The following KIF13A variants were observed in gnomAD, a reference collection of about 807,000 sequenced individuals.
KIF13A encodes kinesin-like protein KIF13A.
In KIF13A, 79 loss-of-function variants were observed where a neutral mutation model predicts 212.2. That is an observed-to-expected ratio of 0.37 (90% CI 0.31 to 0.45). The LOEUF (loss-of-function observed/expected upper bound fraction) is 0.45. Among genes scored for constraint, KIF13A ranks in the 20% least tolerant of loss-of-function variants. The pLI is 1.00. For synonymous variants in KIF13A, 789 were observed against 808.6 expected, an observed-to-expected ratio of 0.98 and a Z score of 0.41; for missense variants, 1,901 against 2,209.0, an observed-to-expected ratio of 0.86 and a Z score of 2.79.
At chr6:17,822,040 C>CTTATTTT in intron 16 of KIF13A, 2 of 615,916 alleles carry the variant, frequency 3.2e-6, no homozygotes, top group Non-Finnish European at 4.7e-6. Context: ...GGAAACATAA[C>CTTATTTT]TTCTTTTTTT....
chr6:17,977,616 G>A (rs889607736), intron 2 of KIF13A, among the ~76,000 whole-genome samples: 1 of 152,158 alleles, frequency 6.6e-6, no homozygotes, highest in African/African-American at 2.4e-5. Flanking sequence ...AAACACAATT[G>A]CAACAGCAAA....
chr6:17,893,767 T>C (rs1561731166), intron 3 of KIF13A, among the ~76,000 whole-genome samples: 9 of 151,968 alleles, frequency 5.9e-5, no homozygotes. Flanking sequence ...GTTAGGCTGC[T>C]GCAAGTTTGT....
intron 16 of KIF13A, among the ~76,000 whole-genome samples, chr6:17,822,103 G>A (rs1284501204): frequency 4.0e-5 from 6 of 150,682 alleles, no homozygotes; most frequent in East Asian, 1.9e-4. Flanking sequence ...GCAATGGTGC[G>A]ATCTCAGCTC....
chr6:17,848,177 A>G (rs1767262156), intron 9 of KIF13A, among the ~76,000 whole-genome samples: 1 of 152,168 alleles, frequency 6.6e-6, no homozygotes, highest in African/African-American at 2.4e-5. Context: ...ATTTTGATAC[A>G]TGTATACAAT....
At chr6:17,916,407 A>G (rs772174506) in intron 2 of KIF13A, among the ~76,000 whole-genome samples, 3 of 152,222 alleles carry the variant, frequency 2.0e-5, no homozygotes, top group Non-Finnish European at 4.4e-5. Context: ...CCAGAGCAGA[A>G]TTCACTATGA....
At chr6:17,820,714 G>GA (rs1464953309) in intron 16 of KIF13A, among the ~76,000 whole-genome samples, 1 of 152,172 alleles carries the variant, frequency 6.6e-6, no homozygotes, top group African/African-American at 2.4e-5. Flanking sequence ...TAGGAAAAAA[G>GA]AAAGGACCAC....
chr6:17,962,950 C>T (rs192914187), intron 2 of KIF13A, among the ~76,000 whole-genome samples: 2 of 152,286 alleles, frequency 1.3e-5, no homozygotes, highest in South Asian at 4.1e-4. Flanking sequence ...TGATTCAGCC[C>T]GTTAGACTCA....
At chr6:17,865,236 C>T (rs1581572650) in intron 4 of KIF13A, among the ~76,000 whole-genome samples, 1 of 152,138 alleles carries the variant, frequency 6.6e-6, no homozygotes, top group South Asian at 2.1e-4. Context: ...TATTTGAACA[C>T]GATCAATAAT....
intron 4 of KIF13A, among the ~76,000 whole-genome samples, chr6:17,867,037 T>G (rs1769472881): frequency 6.6e-6 from 1 of 151,990 alleles, no homozygotes; most frequent in Non-Finnish European, 1.5e-5. Context: ...AAATGCCCCC[T>G]GCATGCTAAA....
chr6:17,788,372 A>C (rs572925092), intron 26 of KIF13A, among the ~76,000 whole-genome samples: 34 of 152,310 alleles, frequency 2.2e-4, no homozygotes, highest in African/African-American at 8.2e-4. Flanking sequence ...AACTTGCCAC[A>C]AACATTTTAC....
At chr6:17,879,646 T>A (rs1391338704) in intron 3 of KIF13A, among the ~76,000 whole-genome samples, 1 of 152,228 alleles carries the variant, frequency 6.6e-6, no homozygotes, top group East Asian at 1.9e-4. Context: ...TTTATTTGTT[T>A]GACTGTCACT....
chr6:17,890,790 C>CTAATAA (rs71536760), intron 3 of KIF13A, among the ~76,000 whole-genome samples: 5,047 of 139,066 alleles, frequency 0.036, 106 homozygotes, highest in Non-Finnish European at 0.04. Context: ...CTATGCCCAG[C>CTAATAA]TAATAATAAT....
In KIF13A at chr6:17,918,577, G is replaced by T. The variant is rs911544861; in HGVS notation, c.147-20397C>A. Among the ~76,000 whole-genome samples the T allele has an allele frequency of 6.6e-6, 1 of 152,172 alleles. No individual in the cohort carries two copies. Among genetic ancestry groups the T allele is most frequent in the South Asian group, 2.1e-4 (1 of 4,830 alleles). On this transcript the variant is annotated intron_variant, in intron 2 of 38. Transcript: ENST00000259711. This position sits in a 1 kb window ranked among gnomAD's most constrained non-coding sequence, Gnocchi z 4.8. ...AATTCCCACTTCTGGGTCTCAGCAG[G>T]TATGTGTGTCGAGTTATCTAAATGG...
At chr6:17,788,025 A>G in intron 26 of KIF13A, 150 bp from the exon 27 acceptor site, 2 of 603,754 alleles carry the variant, frequency 3.3e-6, no homozygotes, top group Non-Finnish European at 5.9e-6. Context: ...GCAAGAAAGC[A>G]GAGAGGCCTC....
intron 2 of KIF13A, chr6:17,953,839 T>C (rs2150575124): frequency 5.6e-6 from 1 of 178,298 alleles, no homozygotes; most frequent in South Asian, 1.3e-4. Context: ...AAGGAAAAAC[T>C]CTGTAAAGTG....
At chr6:17,832,530 T>C (rs1040154991) in intron 12 of KIF13A, among the ~76,000 whole-genome samples, 5 of 151,944 alleles carry the variant, frequency 3.3e-5, no homozygotes, top group South Asian at 2.1e-4. Flanking sequence ...CCTAGCTATT[T>C]GGGAGGCTGA....
chr6:17,974,034 T>C (rs1293660361), intron 2 of KIF13A, among the ~76,000 whole-genome samples: 2 of 152,206 alleles, frequency 1.3e-5, no homozygotes, highest in Non-Finnish European at 2.9e-5. Context: ...AAGATGCACT[T>C]TAATTAAATA....
At chr6:17,985,614 G>A (rs1346352653) in intron 2 of KIF13A, among the ~76,000 whole-genome samples, 1 of 125,386 alleles carries the variant, frequency 8.0e-6, no homozygotes, top group African/African-American at 3.0e-5. Flanking sequence ...ATTTTTTCCC[G>A]AAACAATATG....
intron 4 of KIF13A, among the ~76,000 whole-genome samples, chr6:17,869,532 C>T (rs183480287): frequency 2.6e-5 from 4 of 152,196 alleles, no homozygotes; most frequent in Admixed American, 1.3e-4. Flanking sequence ...AGTAACTCAC[C>T]CGGCCTTACA....
Sources: allele counts gnomAD v4.1 joint callset (sites outside exome capture counted in the v4.1 genomes callset), GRCh38; gene constraint gnomAD v4.1.1; non-coding constraint Gnocchi (gnomAD v3.1); transcripts MANE v1.5; gene names NCBI Gene and HGNC (gene_info 2026-07-23, HGNC 2026-07-21).